POLQ: variants seen among roughly 807,000 people sequenced by gnomAD.
The protein encoded by POLQ is DNA polymerase theta.
Under a neutral mutation model 259.2 loss-of-function variants are expected in POLQ, and 233 were observed. That is an observed-to-expected ratio of 0.90 (90% CI 0.81 to 1.00). The LOEUF (loss-of-function observed/expected upper bound fraction) is 1.00. POLQ is among the 50% of genes least tolerant of loss of function. The probability of loss-of-function intolerance (pLI) is 0.00; values close to 1 mark genes in which losing one functional copy is unlikely to be tolerated. For synonymous variants in POLQ, 1,025 were observed against 1,048.8 expected (o/e 0.98, Z 0.44); for missense variants, 2,871 against 3,051.6 (o/e 0.94, Z 1.39).
chr3:121,448,667 G>A (rs950861846), intron 26 of POLQ, among the ~76,000 whole-genome samples: 2 of 152,022 alleles, frequency 1.3e-5, no homozygotes, highest in African/African-American at 4.8e-5. Flanking sequence ...GCCTAGTATT[G>A]TATTGCTTGC....
At position 121,436,230 on chromosome 3, in the gene POLQ, C is replaced by T; in HGVS notation, c.7435G>A (p.Asp2479Asn). ...INTIVQGSAA[D>N]IVKIATVNIQ... ...TTAACTGTGGCTATTTTGACAATAT[C>T]AGCTGCTGATCCTTGGACTATTGTG... is the stretch of plus-strand genomic sequence containing the variant. The change falls in exon 28 of 30, where the codon GAT (aspartate) becomes AAT (asparagine). Residue 2479 changes from aspartate (D) to asparagine (N), a missense_variant. By Grantham distance (23) the Asp-to-Asn change is conservative. Transcript: ENST00000264233. 1.2e-6 allele frequency: 2 copies of T among 1,613,856 alleles called. No homozygotes were observed. The highest frequency in any genetic ancestry group is 1.7e-6 in the Non-Finnish European group (2 of 1,179,766).
At position 121,487,460 on chromosome 3, in the gene POLQ, C is replaced by G; in HGVS notation, c.5471G>C (p.Ser1824Thr). The change falls in exon 16 of 30, where the codon AGT becomes ACT. Residue 1824 changes from serine (S) to threonine (T), a missense_variant. Physicochemically the swap from Ser to Thr is moderately conservative, Grantham distance 58. This residue lies in a region of POLQ where 2,080 missense variants were observed against 2,126.0 expected (regional missense o/e 0.98). Transcript: ENST00000264233. ...ACTTGCTACATCAATTATGGACAAA[C>G]TTTCTGAACTGCTTGAGGCTGGAGT... ...QLTPASSSSE[S>T]LSIIDVASDQ... 1 of 1,614,054 alleles carries G rather than the reference C, an allele frequency of 6.2e-7. No individual in the cohort carries two copies. Among genetic ancestry groups the G allele is most frequent in the East Asian group, 2.2e-5 (1 of 44,872 alleles).
At chr3:121,473,322 C>T in intron 21 of POLQ, 28 bp downstream of exon 21, 4 of 1,592,668 alleles carry the variant, frequency 2.5e-6, no homozygotes, top group Non-Finnish European at 2.6e-6. Context: ...TAGGTTCTGC[C>T]CTGCTCTGTG....
chr3:121,512,761 C>T (rs928874285), intron 9 of POLQ, among the ~76,000 whole-genome samples: 24 of 152,190 alleles, frequency 1.6e-4, no homozygotes, highest in Non-Finnish European at 2.2e-4. Context: ...TCTTCCCCTA[C>T]AGGATTAACC....
intron 13 of POLQ, among the ~76,000 whole-genome samples, chr3:121,498,175 TGGC>T (rs1396164766): frequency 6.6e-6 from 1 of 152,008 alleles, no homozygotes; most frequent in Non-Finnish European, 1.5e-5. Flanking sequence ...CCAGGCATGG[TGGC>T]ACATGCCTGT....
rs570693495 is a variant in POLQ, at chr3:121,471,750, ACT to A, written c.6718+238_6718+239del. On this transcript the variant is annotated intron_variant, in intron 22 of 29. Transcript: ENST00000264233. ...CTCCAGCCTGGCCAACAAGAGTGAAACTCTGTCTCAAAATAAATAAATAAATA... is the reference window on the plus strand; with the variant it reads ...CTCCAGCCTGGCCAACAAGAGTGAAACTGTCTCAAAATAAATAAATAAATA... Among the ~76,000 whole-genome samples the A allele has an allele frequency of 3.0e-4, 46 of 151,940 alleles. 1 individual carries two copies. The South Asian group carries it at 8.5e-3, about 28-fold the overall frequency.
intron 7 of POLQ, among the ~76,000 whole-genome samples, chr3:121,526,926 A>T (rs2048378009): frequency 6.6e-6 from 1 of 151,744 alleles, no homozygotes; most frequent in South Asian, 2.1e-4. Flanking sequence ...TGGCGACAGG[A>T]TCTCACTCTG....
intron 17 of POLQ, 34 bp downstream of exon 17, chr3:121,485,007 T>A (rs1286761369): frequency 6.6e-7 from 1 of 1,516,470 alleles, no homozygotes; most frequent in South Asian, 1.2e-5. Context: ...TTACAGTAAT[T>A]ACATAGTGAC....
chr3:121,490,053 T>A lies in POLQ; in HGVS notation c.2878A>T (p.Asn960Tyr). 1.3e-6 allele frequency: 2 copies of A among 1,573,948 alleles called. No individual in the cohort carries two copies. The highest frequency in any genetic ancestry group is 1.7e-6 in the Non-Finnish European group (2 of 1,164,124). The change falls in exon 16 of 30, where the codon AAT (asparagine) becomes TAT (tyrosine). Residue 960 changes from asparagine (N) to tyrosine (Y), a missense_variant. Transcript: ENST00000264233. The part of the protein sequence containing the change: ...KHSPNIVQDL[N>Y]KSREHTSSFN... ...GAACTTGTATGCTCTCTACTTTTAT[T>A]TAAGTCTTGCACTATATTTGGTGAA...
At chr3:121,518,757 TTG>T (rs2108811838) in intron 9 of POLQ, among the ~76,000 whole-genome samples, 1 of 89,122 alleles carries the variant, frequency 1.1e-5, no homozygotes, top group African/African-American at 3.4e-5. Flanking sequence ...TTTGCCTGTT[TTG>T]TTTTTTTTTG....
chr3:121,508,596 T>A (rs574581780), intron 12 of POLQ, among the ~76,000 whole-genome samples: 15 of 152,348 alleles, frequency 9.8e-5, no homozygotes, highest in African/African-American at 2.9e-4. Flanking sequence ...AGATGACCGG[T>A]GAAACCTGCT....
intron 25 of POLQ, among the ~76,000 whole-genome samples, chr3:121,457,442 C>G (rs2047751488): frequency 6.6e-6 from 1 of 152,172 alleles, no homozygotes; most frequent in Non-Finnish European, 1.5e-5. Context: ...TCAGAGTGAA[C>G]AGGCAACCTA....
intron 12 of POLQ, among the ~76,000 whole-genome samples, chr3:121,501,865 C>T (rs147944200): frequency 5.2e-4 from 79 of 150,814 alleles, no homozygotes; most frequent in African/African-American, 1.8e-3. Context: ...TGGCGCATGC[C>T]TGTAATCCCA....
In POLQ at chr3:121,489,729, G is replaced by A; in HGVS notation, c.3202C>T (p.Gln1068Ter). The change falls in exon 16 of 30, where the codon CAA becomes TAA. Residue 1068 changes from glutamine to a stop codon, truncating the protein, a stop_gained. Coordinates refer to ENST00000264233, the MANE Select transcript of POLQ (RefSeq NM_199420.4). LOFTEE classifies it high-confidence loss of function. Reference protein sequence around the residue: ...KDSGACRIHLQGQTLSNPSLC... With the variant: ...KDSGACRIHL ...CTAGGATTAGACAGAGTCTGTCCTTGTAAATGGATTCTACACGCTCCAGAG... is the reference window on the plus strand; with the variant it reads ...CTAGGATTAGACAGAGTCTGTCCTTATAAATGGATTCTACACGCTCCAGAG... 1 of 1,612,548 alleles carries A rather than the reference G, an allele frequency of 6.2e-7. No homozygotes were observed. Among genetic ancestry groups the A allele is most frequent in the Non-Finnish European group, 8.5e-7 (1 of 1,179,720 alleles).
intron 14 of POLQ, among the ~76,000 whole-genome samples, chr3:121,495,911 C>G (rs1489565231): frequency 6.7e-6 from 1 of 149,320 alleles, no homozygotes; most frequent in Non-Finnish European, 1.5e-5. Context: ...CTCTTCTCAT[C>G]TTCCCCGCAG....
chr3:121,488,678 T>C lies in POLQ; in HGVS notation c.4253A>G (p.His1418Arg). The change falls in exon 16 of 30, where the codon CAT becomes CGT. Residue 1418 changes from histidine (H) to arginine (R), a missense_variant. Around this residue, in one of 3 missense-constraint regions of POLQ, gnomAD observed 2,080 missense variants for 2,126.0 expected, o/e 0.98. Transcript: ENST00000264233. ...ATTTTCCTCCAATAGTATTGGAGAATGGAAAATCGGGCTTTCTGGAGTCAG... is the reference window on the plus strand; with the variant it reads ...ATTTTCCTCCAATAGTATTGGAGAACGGAAAATCGGGCTTTCTGGAGTCAG... ...DILTPESPIF[H>R]SPILLEENGL... 2 of 1,612,432 alleles carry C rather than the reference T, an allele frequency of 1.2e-6. No homozygotes were observed. The highest frequency in any genetic ancestry group is 1.7e-6 in the Non-Finnish European group (2 of 1,179,546).
At chr3:121,466,336 A>T (rs1184775530) in intron 24 of POLQ, among the ~76,000 whole-genome samples, 1 of 148,502 alleles carries the variant, frequency 6.7e-6, no homozygotes, top group Non-Finnish European at 1.5e-5. Context: ...GTTGCACTTC[A>T]GCCTGGGCGA....
chr3:121,535,715 C>CAAAAAA (rs34317903), intron 5 of POLQ, among the ~76,000 whole-genome samples: 3 of 107,382 alleles, frequency 2.8e-5, no homozygotes, highest in African/African-American at 7.4e-5. Context: ...AACTCCATCT[C>CAAAAAA]AAAAAAAAAA....
Position 121,488,963 on chromosome 3 carries a change from T to G in POLQ, c.3968A>C (p.Tyr1323Ser), listed in dbSNP as rs778552720. The G allele has an allele frequency of 6.2e-7, 1 of 1,613,848 alleles. No individual in the cohort carries two copies. Among genetic ancestry groups the G allele is most frequent in the Non-Finnish European group, 8.5e-7 (1 of 1,179,732 alleles). Residue 1323 changes from tyrosine (Y) to serine (S), a missense_variant, in exon 16 of 30, where the codon TAT becomes TCT. Physicochemically the swap from Tyr to Ser is moderately radical, Grantham distance 144. This residue lies in a region of POLQ where 2,080 missense variants were observed against 2,126.0 expected (regional missense o/e 0.98). Transcript: ENST00000264233. ...TATTTTCTCTGACTGAGTATCCAGA[T>G]AGAAACTATCTTCAAAATCACAGAG... is the stretch of plus-strand genomic sequence containing the variant. ...LVLCDFEDSF[Y>S]LDTQSEKIIQ...
Sources: gnomAD v4.1 joint callset for allele counts (sites outside exome capture counted in the v4.1 genomes callset) on GRCh38, gnomAD v4.1.1 for gene constraint, gnomAD v4.1.1 regional missense constraint, MANE v1.5 for transcripts, NCBI Gene and HGNC (gene_info 2026-07-23, HGNC 2026-07-21) for gene names.